ADCY3: variants seen among roughly 807,000 people sequenced by gnomAD.
ADCY3 encodes the protein adenylate cyclase 3, also known as adenylate cyclase type 3.
ADCY3 carries 70 observed loss-of-function variants against 119.4 expected under a neutral mutation model. That is an observed-to-expected ratio of 0.59 (90% CI 0.48 to 0.72). ADCY3 has a LOEUF of 0.72. ADCY3 is among the 30% of genes least tolerant of loss of function. The pLI, the probability that ADCY3 is intolerant of heterozygous loss-of-function variation, is 0.00. For synonymous variants in ADCY3, 672 were observed against 621.4 expected (o/e 1.08, Z -1.21); for missense variants, 1,238 against 1,541.6 (o/e 0.80, Z 3.30).
At chr2:24,850,992 C>T (rs1672223445) in intron 3 of ADCY3, among the ~76,000 whole-genome samples, 1 of 152,176 alleles carries the variant, frequency 6.6e-6, no homozygotes, top group South Asian at 2.1e-4. Context: ...TTAGGGAAAA[C>T]CTGAAACGTT....
At position 24,834,758 on chromosome 2, in the gene ADCY3, G is replaced by A. The variant is rs752853493; in HGVS notation, c.1805+36C>T. 2.6e-5 allele frequency: 42 copies of A among 1,602,808 alleles called. No individual in the cohort carries two copies. Among genetic ancestry groups the A allele is most frequent in the Non-Finnish European group, 3.5e-5 (41 of 1,171,170 alleles). On this transcript the variant is annotated intron_variant, in intron 10 of 21. Coordinates refer to ENST00000679454, the MANE Select transcript of ADCY3 (RefSeq NM_004036.5). The surrounding 1 kb of genome is among the most constrained non-coding windows in gnomAD (Gnocchi z 4.2). ...TGAATCCCTTGTCAGGGCCCGGGAG[G>A]AGTGGTGGGCCTGGACGCTTCCGGG...
intron 3 of ADCY3, among the ~76,000 whole-genome samples, chr2:24,862,402 C>T (rs1193462050): frequency 1.3e-5 from 2 of 152,126 alleles, no homozygotes; most frequent in African/African-American, 2.4e-5. Context: ...AAATATTTGC[C>T]GGGCATGGTG....
intron 9 of ADCY3, among the ~76,000 whole-genome samples, chr2:24,835,741 G>A (rs1410510514): frequency 6.6e-6 from 1 of 152,070 alleles, no homozygotes; most frequent in Non-Finnish European, 1.5e-5. Context: ...TTTGAGACCA[G>A]ACTGGCCAAC....
At chr2:24,838,003 T>C (rs1223145423) in intron 8 of ADCY3, among the ~76,000 whole-genome samples, 1 of 151,636 alleles carries the variant, frequency 6.6e-6, no homozygotes, top group African/African-American at 2.4e-5. Context: ...CCTCCCTCAT[T>C]TCCCACTCAG....
At position 24,840,021 on chromosome 2, in the gene ADCY3, C is replaced by T; in HGVS notation, c.1207G>A (p.Glu403Lys). The T allele has an allele frequency of 6.2e-7, 1 of 1,609,804 alleles. No homozygotes were observed. The highest frequency in any genetic ancestry group is 8.5e-7 in the Non-Finnish European group (1 of 1,176,728). ...AMVEAISYVREKTKTGVDMRV... is the reference protein window; with the variant it reads ...AMVEAISYVRKKTKTGVDMRV... ...ATGTCCACCCCAGTCTTGGTCTTCTCCCGCACATACCTGCCAGGTACACAC... is the reference window on the plus strand; with the variant it reads ...ATGTCCACCCCAGTCTTGGTCTTCTTCCGCACATACCTGCCAGGTACACAC... Residue 403 changes from glutamate to lysine, a missense_variant, in exon 7 of 22, where the codon GAG (glutamate) becomes AAG (lysine). Around this residue, in one of 7 missense-constraint regions of ADCY3, gnomAD observed 283 missense variants for 437.2 expected, o/e 0.65. Coordinates refer to ENST00000679454, the MANE Select transcript of ADCY3 (RefSeq NM_004036.5).
intron 3 of ADCY3, among the ~76,000 whole-genome samples, chr2:24,869,481 C>T (rs975117862): frequency 2.0e-5 from 3 of 152,140 alleles, no homozygotes; most frequent in African/African-American, 7.2e-5. Context: ...TCATGGCTCA[C>T]TGCAGCCTCA....
intron 2 of ADCY3, among the ~76,000 whole-genome samples, chr2:24,907,839 C>T (rs954205188): frequency 2.0e-5 from 3 of 149,452 alleles, no homozygotes; most frequent in Admixed American, 6.7e-5. Context: ...TACAAAAATA[C>T]AAAAATTAGC....
In ADCY3 at chr2:24,878,660, C is replaced by T. The variant is rs1676010563; in HGVS notation, c.676-5941G>A. The stretch of plus-strand genomic sequence containing the variant: ...GGCAGGAAGGAGGAGGGGAGGTGGC[C>T]CCTCCAAAGGCAACCAGCCTTCTCC... On this transcript the variant is annotated intron_variant, in intron 2 of 21. Transcript: ENST00000679454. This position sits in a 1 kb window ranked among gnomAD's most constrained non-coding sequence, Gnocchi z 4.0. 6.6e-6 allele frequency among the ~76,000 whole-genome samples: 1 copy of T among 152,130 alleles called. No individual in the cohort carries two copies. Among genetic ancestry groups the T allele is most frequent in the African/African-American group, 2.4e-5 (1 of 41,434 alleles).
chr2:24,916,262 C>T (rs115912737), intron 2 of ADCY3, among the ~76,000 whole-genome samples: 4,239 of 152,328 alleles, frequency 0.028, 163 homozygotes, highest in African/African-American at 0.089. Flanking sequence ...ACCCAGGCCC[C>T]GGCCCAGCCC....
chr2:24,918,801 C>T lies in ADCY3; in HGVS notation c.187G>A (p.Glu63Lys). The change falls in exon 2 of 22, where the codon GAG becomes AAG. Residue 63 changes from glutamate to lysine, a missense_variant. Around this residue, in one of 7 missense-constraint regions of ADCY3, gnomAD observed 227 missense variants for 249.3 expected, o/e 0.91. Transcript: ENST00000679454. The surrounding 1 kb of genome is among the most constrained non-coding windows in gnomAD (Gnocchi z 5.4). ...MRLTFVPESL[E>K]NLYQTYFKRQ... ...TTGAAGTAGGTCTGGTAGAGGTTCT[C>T]CAAGGACTCCGGCACGAAAGTCAGC... 1 of 1,613,870 alleles carries T rather than the reference C, an allele frequency of 6.2e-7. No homozygotes were observed. Among genetic ancestry groups the T allele is most frequent in the Non-Finnish European group, 8.5e-7 (1 of 1,180,038 alleles).
chr2:24,879,693 G>A (rs2148865817), intron 2 of ADCY3, among the ~76,000 whole-genome samples: 1 of 152,320 alleles, frequency 6.6e-6, no homozygotes, highest in East Asian at 1.9e-4. Flanking sequence ...CTTAAAGTCA[G>A]AGAAATAAGC....
At chr2:24,860,111 C>T (rs1028677998) in intron 3 of ADCY3, among the ~76,000 whole-genome samples, 2 of 152,216 alleles carry the variant, frequency 1.3e-5, no homozygotes, top group Admixed American at 6.5e-5. Context: ...AACCATGTTC[C>T]GATCCCTGGG....
rs1214340526 is a variant in ADCY3, at chr2:24,831,832, TGGGGGCA to T, written c.1968-90_1968-84del. On this transcript the variant is annotated intron_variant, in intron 11 of 21. Coordinates refer to ENST00000679454, the MANE Select transcript of ADCY3 (RefSeq NM_004036.5). ...GGGCTAGGAGAGGAAGGGACGGGGATGGGGGCAGGGGCCAGGGGACAGCGGACAGGGG... is the reference window on the plus strand; with the variant it reads ...GGGCTAGGAGAGGAAGGGACGGGGATGGGGCCAGGGGACAGCGGACAGGGG... 3.5e-5 allele frequency: 4 copies of T among 113,102 alleles called. No individual in the cohort carries two copies. The Admixed American group carries it at 5.7e-4, about 16-fold the overall frequency. 7.0% of individuals were successfully genotyped at this position (113,102 alleles called of 1,614,324 possible).
chr2:24,822,504 T>TA lies in ADCY3; in HGVS notation c.3003+6dup. 6.2e-7 allele frequency: 1 copy of TA among 1,613,300 alleles called. No homozygotes were observed. Among genetic ancestry groups the TA allele is most frequent in the Non-Finnish European group, 8.5e-7 (1 of 1,179,392 alleles). On this transcript the variant is annotated splice_region_variant and intron_variant, in intron 19 of 21. Coordinates refer to ENST00000679454, the MANE Select transcript of ADCY3 (RefSeq NM_004036.5). ...GCCTCATCTCTCTGGCTACTGGGGT[T>TA]AGCTACCTTGTTGGAGCTGGCAAAG... is the stretch of plus-strand genomic sequence containing the variant.
chr2:24,873,900 G>A (rs749187068), intron 2 of ADCY3, among the ~76,000 whole-genome samples: 1 of 152,212 alleles, frequency 6.6e-6, no homozygotes, highest in Non-Finnish European at 1.5e-5. Flanking sequence ...GAAGAGAAGC[G>A]GAAGAATTTC....
intron 2 of ADCY3, among the ~76,000 whole-genome samples, chr2:24,904,018 A>T (rs1183259975): frequency 6.6e-6 from 1 of 152,208 alleles, no homozygotes; most frequent in Non-Finnish European, 1.5e-5. Flanking sequence ...AGCCTTCTTC[A>T]CCATGTCTCC....
rs372998415 is a variant in ADCY3, at chr2:24,836,935, G to C, written c.1644C>G (p.Pro548=). The C allele has an allele frequency of 2.5e-6, 4 of 1,613,242 alleles. No individual in the cohort carries two copies. Among genetic ancestry groups the C allele is most frequent in the Middle Eastern group, 1.8e-4 (1 of 5,466 alleles). ...CACATACCTGGGCATCCTGCTCCTC[G>C]GGCTTCTCCGACGTGGACCCACTGC... is the stretch of plus-strand genomic sequence containing the variant. ...AHSSGSTSEK[P]EEQDAQADNP... Residue 548 remains proline (P), a synonymous_variant, in exon 9 of 22, where the codon CCC becomes CCG. Transcript: ENST00000679454.
In ADCY3 at chr2:24,872,532, G is replaced by T. The variant is rs751523573; in HGVS notation, c.825+38C>A. On this transcript the variant is annotated intron_variant, in intron 3 of 21. Coordinates refer to ENST00000679454, the MANE Select transcript of ADCY3 (RefSeq NM_004036.5). This position sits in a 1 kb window ranked among gnomAD's most constrained non-coding sequence, Gnocchi z 4.4. ...CCTCTGACAAGGCCACAGTCCCTGAGCCCAAGCTCCAGGCCCGAGGCCTCC... is the reference window on the plus strand; with the variant it reads ...CCTCTGACAAGGCCACAGTCCCTGATCCCAAGCTCCAGGCCCGAGGCCTCC... 1 of 1,604,912 alleles carries T rather than the reference G, an allele frequency of 6.2e-7. No individual in the cohort carries two copies. Among genetic ancestry groups the T allele is most frequent in the Non-Finnish European group, 8.5e-7 (1 of 1,174,994 alleles).
At chr2:24,883,358 A>T (rs1676643075) in intron 2 of ADCY3, among the ~76,000 whole-genome samples, 1 of 38,044 alleles carries the variant, frequency 2.6e-5, no homozygotes, top group Non-Finnish European at 4.7e-5. Flanking sequence ...AAAAAAAATA[A>T]AAAAAAGAAG....
Sources: gnomAD v4.1 joint callset for allele counts (sites outside exome capture counted in the v4.1 genomes callset) on GRCh38, gnomAD v4.1.1 for gene constraint, gnomAD v4.1.1 regional missense constraint, Gnocchi (gnomAD v3.1) non-coding constraint, MANE v1.5 for transcripts, NCBI Gene and HGNC (gene_info 2026-07-23, HGNC 2026-07-21) for gene names.